OTOP3: variants seen among roughly 807,000 people sequenced by gnomAD.
OTOP3 encodes proton channel OTOP3.
In OTOP3, 41 loss-of-function variants were observed where a neutral mutation model predicts 50.8. The observed-to-expected ratio is 0.81, with a 90% confidence interval of 0.63 to 1.05. The LOEUF (loss-of-function observed/expected upper bound fraction) is 1.05. Ranked by LOEUF, OTOP3 falls within the 50% of genes least tolerant of loss-of-function variation. The pLI is 0.00. For synonymous variants in OTOP3, 320 were observed against 324.4 expected (o/e 0.99, Z 0.14); for missense variants, 788 against 760.8 (o/e 1.04, Z -0.42).
In OTOP3 at chr17:74,943,725, G is replaced by A. The variant is rs1199819219; in HGVS notation, c.751+1G>A. 1 of 1,594,286 alleles carries A rather than the reference G, an allele frequency of 6.3e-7. No homozygotes were observed. Among genetic ancestry groups the A allele is most frequent in the Non-Finnish European group, 8.5e-7 (1 of 1,170,400 alleles). On this transcript the variant is annotated splice_donor_variant, in intron 5 of 6. Transcript: ENST00000328801. LOFTEE classifies it high-confidence loss of function. ...GGCATCCTCATGGAAAAATCCACAG[G>A]TATGGAAAGGAGACCAGGTCTTCCT...
chr17:74,937,541 G>A (rs2039131701), intron 1 of OTOP3, among the ~76,000 whole-genome samples: 1 of 152,182 alleles, frequency 6.6e-6, no homozygotes, highest in Non-Finnish European at 1.5e-5. Flanking sequence ...ACATCCCGGT[G>A]AGCCCCAGCC....
Position 74,946,756 on chromosome 17 carries a change from T to G in OTOP3, c.847T>G (p.Cys283Gly), listed in dbSNP as rs1399245714. ...LMLYPFSTEYCLICCAVLFVM... is the reference protein window; with the variant it reads ...LMLYPFSTEYGLICCAVLFVM... ...GCTCTACCCCTTCAGCACTGAGTAC[T>G]GCCTCATCTGCTGTGCTGTGCTGTT... The change falls in exon 6 of 7, where the codon TGC becomes GGC. Residue 283 changes from cysteine (C) to glycine (G), a missense_variant. Cys to Gly is a radical substitution (Grantham distance 159). Transcript: ENST00000328801. The G allele has an allele frequency of 6.2e-7, 1 of 1,613,090 alleles. No individual in the cohort carries two copies. Among genetic ancestry groups the G allele is most frequent in the Non-Finnish European group, 8.5e-7 (1 of 1,180,032 alleles).
rs554130655 is a variant in OTOP3, at chr17:74,938,815, C to T, written c.20-2578C>T. ...TTAAGTAGGGGAGAGGCACTCTGGG[C>T]AAGAAGACCAGTCCAAGAGAGCAAG... On this transcript the variant is annotated intron_variant, in intron 1 of 6. Transcript: ENST00000328801. Among the ~76,000 whole-genome samples, 9 of 152,092 alleles carry T rather than the reference C, an allele frequency of 5.9e-5. No homozygotes were observed. In the South Asian group the frequency reaches 1.9e-3, roughly 32 times the overall value.
At position 74,935,930 on chromosome 17, in the gene OTOP3, C is replaced by G. The variant is rs1427889046; in HGVS notation, c.9C>G (p.Leu3=). 6.5e-7 allele frequency: 1 copy of G among 1,544,844 alleles called. No homozygotes were observed. Among genetic ancestry groups the G allele is most frequent in the Non-Finnish European group, 8.7e-7 (1 of 1,146,704 alleles). The part of the protein sequence containing the change: MP[L]PASAPAEATP... ...GTGGTTAGCCCACGGCGATGCCTCT[C>G]CCGGCCTCAGGTAAGCCCGGAGCGC... is the stretch of plus-strand genomic sequence containing the variant. Residue 3 remains leucine, a synonymous_variant, in exon 1 of 7, where the codon CTC becomes CTG. Coordinates refer to ENST00000328801, the MANE Select transcript of OTOP3 (RefSeq NM_001272005.2).
At position 74,949,359 on chromosome 17, in the gene OTOP3, G is replaced by A. The variant is rs764045600; in HGVS notation, c.1680G>A (p.Gly560=). ...FAIVNFGLPL[G]VFYRMHSVGG... ...TCGTCAACTTCGGCCTGCCTCTGGG[G>A]GTCTTCTACCGCATGCACTCTGTGG... Residue 560 remains glycine (G), a synonymous_variant, in exon 7 of 7, where the codon GGG becomes GGA. Transcript: ENST00000328801. The A allele has an allele frequency of 2.4e-5, 38 of 1,614,042 alleles. No individual in the cohort carries two copies. The South Asian group carries it at 3.3e-4, about 14-fold the overall frequency.
At chr17:74,940,088 T>C (rs1024330361) in intron 1 of OTOP3, among the ~76,000 whole-genome samples, 10 of 122,348 alleles carry the variant, frequency 8.2e-5, no homozygotes, top group South Asian at 2.7e-4. Flanking sequence ...ATATATATTA[T>C]ACACACACAC....
rs140524938 is a variant in OTOP3, at chr17:74,947,532, G to T, written c.1566+57G>T. 2.8e-5 allele frequency: 41 copies of T among 1,453,996 alleles called. No individual in the cohort carries two copies. In the African/African-American group the frequency reaches 2.8e-4, roughly 10 times the overall value. 90.1% of individuals were successfully genotyped at this position (1,453,996 alleles called of 1,614,324 possible). A position where few individuals can be genotyped will look rare whatever the true frequency, so the allele number is the denominator to read the frequency against. On this transcript the variant is annotated intron_variant, in intron 6 of 6. Transcript: ENST00000328801. ...AGAGGTGGCCAGGCAGACCCAGAAA[G>T]CCTCACTCAGGAAGGGATGGATCAA...
intron 1 of OTOP3, among the ~76,000 whole-genome samples, chr17:74,941,149 G>A (rs574580674): frequency 1.3e-5 from 2 of 152,322 alleles, no homozygotes; most frequent in East Asian, 1.9e-4. Flanking sequence ...TGATCCTCAC[G>A]CCAGTCAAAC....
At chr17:74,941,274 C>T (rs2039168974) in intron 1 of OTOP3, 119 bp from the exon 2 acceptor site, 1 of 841,844 alleles carries the variant, frequency 1.2e-6, no homozygotes, top group South Asian at 3.3e-5. Flanking sequence ...TCCAATGTCC[C>T]AACCACCCAA....
In OTOP3 at chr17:74,949,535, C is replaced by G. The variant is rs1374697911; in HGVS notation, c.*119C>G. On this transcript the variant is annotated 3_prime_UTR_variant, in exon 7 of 7. Coordinates refer to ENST00000328801, the MANE Select transcript of OTOP3 (RefSeq NM_001272005.2). Reference sequence around the variant, plus strand: ...ACCAGCCTGAGGCTCTCAAGGCCTCCTGCTCCCCAGAGCCTCACTGAAGGG... The same window carrying G: ...ACCAGCCTGAGGCTCTCAAGGCCTCGTGCTCCCCAGAGCCTCACTGAAGGG... The G allele has an allele frequency of 8.5e-7, 1 of 1,182,804 alleles. No individual in the cohort carries two copies. Among genetic ancestry groups the G allele is most frequent in the East Asian group, 2.5e-5 (1 of 39,564 alleles). 73.3% of individuals were successfully genotyped at this position (1,182,804 alleles called of 1,614,324 possible).
rs776833120 is a variant in OTOP3, at chr17:74,941,501, C to T, written c.128C>T (p.Thr43Ile). 64 of 1,613,086 alleles carry T rather than the reference C, an allele frequency of 4.0e-5. No homozygotes were observed. Among genetic ancestry groups the T allele is most frequent in the Non-Finnish European group, 4.9e-5 (58 of 1,179,474 alleles). Residue 43 changes from threonine (T) to isoleucine (I), a missense_variant, in exon 2 of 7, where the codon ACC becomes ATC. Thr to Ile is a moderately conservative substitution (Grantham distance 89). Coordinates refer to ENST00000328801, the MANE Select transcript of OTOP3 (RefSeq NM_001272005.2). ...GGGGCCGAGGAGAGAGCGGCCGCCACCCGGCCCCGGCAGAAGTCCTGGCTG... is the reference window on the plus strand; with the variant it reads ...GGGGCCGAGGAGAGAGCGGCCGCCATCCGGCCCCGGCAGAAGTCCTGGCTG... ...DVGAEERAAA[T>I]RPRQKSWLVR...
At chr17:74,940,618 T>C (rs1214355908) in intron 1 of OTOP3, among the ~76,000 whole-genome samples, 3 of 152,132 alleles carry the variant, frequency 2.0e-5, no homozygotes, top group Admixed American at 6.5e-5. Context: ...ACAAGCCCTA[T>C]CGTGAACTGC....
chr17:74,938,674 C>T (rs944108856), intron 1 of OTOP3, among the ~76,000 whole-genome samples: 1 of 152,136 alleles, frequency 6.6e-6, no homozygotes, highest in Non-Finnish European at 1.5e-5. Context: ...GGGCAGAGAA[C>T]CTGGAACCTT....
chr17:74,945,968 T>G (rs1425549510), intron 5 of OTOP3, among the ~76,000 whole-genome samples: 1 of 116,630 alleles, frequency 8.6e-6, no homozygotes, highest in Non-Finnish European at 1.8e-5. Context: ...TTAGTTTTTG[T>G]TTTTTGTTTT....
chr17:74,947,799 G>A (rs919691222), intron 6 of OTOP3, among the ~76,000 whole-genome samples: 1 of 152,240 alleles, frequency 6.6e-6, no homozygotes, highest in African/African-American at 2.4e-5. Context: ...GACACTCCTA[G>A]AGGAAGATGT....
In OTOP3 at chr17:74,941,555, G is replaced by T; in HGVS notation, c.182G>T (p.Arg61Leu). ...LVRHFSLLLR[R>L]DRQAQKAGQL... ...AGGCATTTCTCTCTGCTGCTGCGGC[G>T]GGACCGGCAGGCCCAGAAGGCTGGA... is the stretch of plus-strand genomic sequence containing the variant. The change falls in exon 2 of 7, where the codon CGG becomes CTG. Residue 61 changes from arginine (R) to leucine (L), a missense_variant. Arg to Leu is a moderately radical substitution (Grantham distance 102). Coordinates refer to ENST00000328801, the MANE Select transcript of OTOP3 (RefSeq NM_001272005.2). 6.2e-7 allele frequency: 1 copy of T among 1,611,886 alleles called. No individual in the cohort carries two copies. Among genetic ancestry groups the T allele is most frequent in the Non-Finnish European group, 8.5e-7 (1 of 1,178,598 alleles).
chr17:74,936,010 C>G (rs1406220132), intron 1 of OTOP3, 70 bp downstream of exon 1: 2 of 1,531,476 alleles, frequency 1.3e-6, no homozygotes, highest in Non-Finnish European at 1.7e-6. Context: ...CTACCCACCC[C>G]CCCAAAAGGG....
Position 74,942,012 on chromosome 17 carries a change from T to G in OTOP3, c.548T>G (p.Ile183Ser). ...CAGCTGGACCTTGTCTTCTCTGTCA[T>G]CGAGATGGTCTTCATCGGCGTCCAG... is the stretch of plus-strand genomic sequence containing the variant. ...KSQLDLVFSV[I>S]EMVFIGVQTW... Residue 183 changes from isoleucine to serine, a missense_variant, in exon 3 of 7, where the codon ATC becomes AGC. By Grantham distance (142) the Ile-to-Ser change is moderately radical (BLOSUM62 -2). Coordinates refer to ENST00000328801, the MANE Select transcript of OTOP3 (RefSeq NM_001272005.2). The G allele has an allele frequency of 1.9e-6, 3 of 1,612,606 alleles. No individual in the cohort carries two copies.
At chr17:74,936,356 C>A (rs1051283702) in intron 1 of OTOP3, among the ~76,000 whole-genome samples, 3 of 152,198 alleles carry the variant, frequency 2.0e-5, no homozygotes, top group Admixed American at 2.0e-4. Flanking sequence ...ACTCAGCAGC[C>A]TCCTCGGAGC....
Sources: gnomAD v4.1 joint callset for allele counts (sites outside exome capture counted in the v4.1 genomes callset) on GRCh38, gnomAD v4.1.1 for gene constraint, MANE v1.5 for transcripts, NCBI Gene and HGNC (gene_info 2026-07-23, HGNC 2026-07-21) for gene names.